The following CELSR1 variants were observed in gnomAD, a reference collection of about 807,000 sequenced individuals.
CELSR1 encodes the protein cadherin EGF LAG seven-pass G-type receptor 1.
In CELSR1, 110 loss-of-function variants were observed where a neutral mutation model predicts 249.1. The observed-to-expected ratio is 0.44, with a 90% CI of 0.38 to 0.52. The LOEUF (loss-of-function observed/expected upper bound fraction) is 0.52. Ranked by LOEUF, CELSR1 falls within the 20% of genes least tolerant of loss-of-function variation. The pLI is 0.00. For missense variants in CELSR1, 4,109 were observed against 4,296.4 expected (o/e 0.96, Z 1.22); for synonymous variants, 2,113 against 1,900.0 (o/e 1.11, Z -2.92).
intron 1 of CELSR1, among the ~76,000 whole-genome samples, chr22:46,483,814 C>G (rs544672596): frequency 6.6e-6 from 1 of 152,158 alleles, no homozygotes; most frequent in Non-Finnish European, 1.5e-5. Context: ...GGCCTGCAGT[C>G]TCCACGTGTC....
Position 46,472,423 on chromosome 22 carries a change from C to T in CELSR1, c.3545-8078G>A, listed in dbSNP as rs572104260. On this transcript the variant is annotated intron_variant, in intron 1 of 34. Coordinates refer to ENST00000674500, the MANE Select transcript of CELSR1 (RefSeq NM_001378328.1). This position sits in a 1 kb window ranked among gnomAD's most constrained non-coding sequence, Gnocchi z 7.0. The stretch of plus-strand genomic sequence containing the variant: ...AGCCCTCAGGGGACAGGGGACAGTG[C>T]CGCAGTTCCGAGACTCGGTGGCAGG... 3.3e-5 allele frequency among the ~76,000 whole-genome samples: 5 copies of T among 152,252 alleles called. No homozygotes were observed. Among genetic ancestry groups the T allele is most frequent in the African/African-American group, 1.2e-4 (5 of 41,554 alleles).
In CELSR1 at chr22:46,483,385, CTT is replaced by C. The variant is rs10647586; in HGVS notation, c.3545-19042_3545-19041del. ...CTTTATGGAAACATGCTATTCCTGA[CTT>C]TTTTTTTTTTTTTTTTTTTTTTGAG... On this transcript the variant is annotated intron_variant, in intron 1 of 34. Coordinates refer to ENST00000674500, the MANE Select transcript of CELSR1 (RefSeq NM_001378328.1). Among the ~76,000 whole-genome samples the C allele has an allele frequency of 6.7e-3, 543 of 81,154 alleles. 3 individuals carry two copies. Among genetic ancestry groups the C allele is most frequent in the African/African-American group, 0.025 (517 of 20,966 alleles). The allele number at this position is 81,154 out of a possible 152,430, so 53.2% of individuals were successfully genotyped here. A position where few individuals can be genotyped will look rare whatever the true frequency, so the allele number is the denominator to read the frequency against.
rs571939277 is a variant in CELSR1 at position 46,528,884 on chromosome 22, G to A, written c.3544+4743C>T. Among the ~76,000 whole-genome samples, 352 of 150,704 alleles carry A rather than the reference G, an allele frequency of 2.3e-3. 3 individuals are homozygous for A. The highest frequency in any genetic ancestry group is 4.3e-3 in the Non-Finnish European group (294 of 67,754). On this transcript the variant is annotated intron_variant, in intron 1 of 34. Coordinates refer to ENST00000674500, the MANE Select transcript of CELSR1 (RefSeq NM_001378328.1). ...GCGGAGCTTGCAGTGAGCTGAGATC[G>A]CGCCACTGCACTCCAGCCTGGGCGA...
rs779111969 is a variant in CELSR1 at position 46,405,563 on chromosome 22, CA to C, written c.5226+3432del. On this transcript the variant is annotated intron_variant, in intron 9 of 34. Transcript: ENST00000674500. ...AGTGATAAAAGTGATGTTATATCTACAAACAAAAGTGATATCCACAGGATGA... is the reference window on the plus strand; with the variant it reads ...AGTGATAAAAGTGATGTTATATCTACAACAAAAGTGATATCCACAGGATGA... Among the ~76,000 whole-genome samples the C allele has an allele frequency of 7.2e-5, 11 of 151,888 alleles. No individual in the cohort carries two copies. The East Asian group carries it at 1.4e-3, about 19-fold the overall frequency.
chr22:46,466,997 C>T (rs186636006), intron 1 of CELSR1, among the ~76,000 whole-genome samples: 2 of 152,314 alleles, frequency 1.3e-5, no homozygotes, highest in East Asian at 1.9e-4. Context: ...CCTGGCCGTG[C>T]TGCCTCCCTG....
At chr22:46,379,785 A>G (rs900613894) in intron 22 of CELSR1, among the ~76,000 whole-genome samples, 26 of 152,140 alleles carry the variant, frequency 1.7e-4, no homozygotes, top group African/African-American at 6.0e-4. Flanking sequence ...ACGTCCCCAG[A>G]TGCACAACGC....
At position 46,535,299 on chromosome 22, in the gene CELSR1, G is replaced by T. The variant is rs750486550; in HGVS notation, c.1872C>A (p.Pro624=). 6.2e-7 allele frequency: 1 copy of T among 1,611,462 alleles called. No individual in the cohort carries two copies. Among genetic ancestry groups the T allele is most frequent in the Admixed American group, 1.7e-5 (1 of 60,020 alleles). The change falls in exon 1 of 35, where the codon CCC becomes CCA. Residue 624 remains proline, a synonymous_variant. Coordinates refer to ENST00000674500, the MANE Select transcript of CELSR1 (RefSeq NM_001378328.1). ...GGATCTGGAAGGGGAAGTCAGGGGT[G>T]GGGGCAGGATTCTTAGGCCCAGCGC... ...GGSAGPKNPA[P]TPDFPFQIHN...
At chr22:46,432,754 A>T (rs2079610251) in intron 5 of CELSR1, among the ~76,000 whole-genome samples, 1 of 152,146 alleles carries the variant, frequency 6.6e-6, no homozygotes, top group Non-Finnish European at 1.5e-5. Context: ...TGAACAGCCC[A>T]GAATTTCAGC....
intron 1 of CELSR1, among the ~76,000 whole-genome samples, chr22:46,477,516 T>TTTTC (rs2080222007): frequency 7.1e-6 from 1 of 141,592 alleles, no homozygotes; most frequent in African/African-American, 2.9e-5. Context: ...TTTATTGGCT[T>TTTTC]TTTTTTTTTT....
chr22:46,519,477 G>T (rs1414612770), intron 1 of CELSR1, among the ~76,000 whole-genome samples: 1 of 152,202 alleles, frequency 6.6e-6, no homozygotes, highest in Non-Finnish European at 1.5e-5. Context: ...TACGATTTGG[G>T]AGCCCCCGGG....
rs112222623 is a variant in CELSR1 at position 46,396,363 on chromosome 22, G to A, written c.5843+242C>T. Reference sequence around the variant, plus strand: ...GCAGAGGTTGCAAGGAGCCAAGATCGCGCCATTGCACTCCAGCCTGGGTGA... The same window carrying A: ...GCAGAGGTTGCAAGGAGCCAAGATCACGCCATTGCACTCCAGCCTGGGTGA... On this transcript the variant is annotated intron_variant, in intron 13 of 34. Coordinates refer to ENST00000674500, the MANE Select transcript of CELSR1 (RefSeq NM_001378328.1). This position sits in a 1 kb window ranked among gnomAD's most constrained non-coding sequence, Gnocchi z 6.4. Among the ~76,000 whole-genome samples, 6,833 of 152,092 alleles carry A rather than the reference G, an allele frequency of 0.045. 199 individuals carry two copies. The highest frequency in any genetic ancestry group is 0.068 in the Non-Finnish European group (4,620 of 67,990).
At chr22:46,463,653 G>C in intron 2 of CELSR1, 54 bp downstream of exon 2, 1 of 1,449,318 alleles carries the variant, frequency 6.9e-7, no homozygotes, top group Non-Finnish European at 9.1e-7. Context: ...TGAGACCCTC[G>C]GCCATGTGAC....
chr22:46,399,996 G>T lies in CELSR1; in HGVS notation c.5227-94C>A. On this transcript the variant is annotated intron_variant, in intron 9 of 34. Transcript: ENST00000674500. The surrounding 1 kb of genome is among the most constrained non-coding windows in gnomAD (Gnocchi z 5.0). ...CTTAAACAAGGAAGCTGTGAAAGGA[G>T]ACTGATTATGTGGCACCAGATACAA... 7.7e-7 allele frequency: 1 copy of T among 1,298,210 alleles called. No individual in the cohort carries two copies. Among genetic ancestry groups the T allele is most frequent in the Non-Finnish European group, 1.1e-6 (1 of 932,946 alleles). The allele number at this position is 1,298,210 out of a possible 1,614,324, so 80.4% of individuals were successfully genotyped here.
chr22:46,510,565 G>A (rs2080563062), intron 1 of CELSR1, among the ~76,000 whole-genome samples: 1 of 152,206 alleles, frequency 6.6e-6, no homozygotes, highest in South Asian at 2.1e-4. Flanking sequence ...TAAACGCTGG[G>A]GGGACGAGAG....
chr22:46,436,174 C>G lies in CELSR1; in HGVS notation c.4522G>C (p.Gly1508Arg). The change falls in exon 4 of 35, where the codon GGC becomes CGC. Residue 1508 changes from glycine (G) to arginine (R), a missense_variant and splice_region_variant. This residue lies in a region of CELSR1 where 453 missense variants were observed against 492.0 expected (regional missense o/e 0.92). Transcript: ENST00000674500. This position sits in a 1 kb window ranked among gnomAD's most constrained non-coding sequence, Gnocchi z 5.9. Reference protein sequence around the residue: ...DEQVQLTFSAGETTTTVAPKV... With the variant: ...DEQVQLTFSARETTTTVAPKV... ...GCCCTTCCTGGGGAGAAGGCCCCAC[C>G]TGCAGAGAAGGTGAGCTGCACCTGC... 1 of 1,613,340 alleles carries G rather than the reference C, an allele frequency of 6.2e-7. No individual in the cohort carries two copies. The highest frequency in any genetic ancestry group is 8.5e-7 in the Non-Finnish European group (1 of 1,179,434).
intron 1 of CELSR1, among the ~76,000 whole-genome samples, chr22:46,511,838 C>G (rs150969646): frequency 6.6e-6 from 1 of 152,086 alleles, no homozygotes; most frequent in Non-Finnish European, 1.5e-5. Flanking sequence ...TTCCCACTGA[C>G]GGGGGCTACC....
Position 46,410,249 on chromosome 22 carries a change from C to T in CELSR1, c.4933+149G>A. Reference sequence around the variant, plus strand: ...ACATCTCCAGCCTGGACTCCGGGTTCCATCCCAGGAGCTGCCCACCGCTGG... The same window carrying T: ...ACATCTCCAGCCTGGACTCCGGGTTTCATCCCAGGAGCTGCCCACCGCTGG... On this transcript the variant is annotated intron_variant, in intron 7 of 34. Transcript: ENST00000674500. This position sits in a 1 kb window ranked among gnomAD's most constrained non-coding sequence, Gnocchi z 6.8. 1 of 993,576 alleles carries T rather than the reference C, an allele frequency of 1.0e-6. No individual in the cohort carries two copies. 61.5% of individuals were successfully genotyped at this position (993,576 alleles called of 1,614,324 possible). A position where few individuals can be genotyped will look rare whatever the true frequency, so the allele number is the denominator to read the frequency against.
rs377656416 is a variant in CELSR1 at position 46,416,138 on chromosome 22, G to A, written c.4612-4379C>T. On this transcript the variant is annotated intron_variant, in intron 5 of 34. Transcript: ENST00000674500. Reference sequence around the variant, plus strand: ...GGATAAGGAATGAGACAGACGAACCGCCTCCTCACATTTCTAAGAGGAATT... The same window carrying A: ...GGATAAGGAATGAGACAGACGAACCACCTCCTCACATTTCTAAGAGGAATT... Among the ~76,000 whole-genome samples, 113 of 149,520 alleles carry A rather than the reference G, an allele frequency of 7.6e-4. 5 individuals are homozygous for A. In the South Asian group the frequency reaches 0.021, roughly 27 times the overall value.
chr22:46,436,031 TTAAATA>T lies in CELSR1; in HGVS notation c.4522+137_4522+142del. On this transcript the variant is annotated intron_variant, in intron 4 of 34. Transcript: ENST00000674500. The surrounding 1 kb of genome is among the most constrained non-coding windows in gnomAD (Gnocchi z 5.9). ...AACATCTTTGTGTACTTTGGATTTC[TTAAATA>T]AGACAGCTTCCTAGACCTACAAGTG... 1.6e-6 allele frequency: 1 copy of T among 634,102 alleles called. No homozygotes were observed. Among genetic ancestry groups the T allele is most frequent in the South Asian group, 2.0e-5 (1 of 50,944 alleles). 39.3% of individuals were successfully genotyped at this position (634,102 alleles called of 1,614,324 possible).
Sources: gnomAD v4.1 joint callset for allele counts (sites outside exome capture counted in the v4.1 genomes callset) on GRCh38, gnomAD v4.1.1 for gene constraint, gnomAD v4.1.1 regional missense constraint, Gnocchi (gnomAD v3.1) non-coding constraint, MANE v1.5 for transcripts, NCBI Gene and HGNC (gene_info 2026-07-23, HGNC 2026-07-21) for gene names.